The following C8orf74 variants were observed in gnomAD, a reference collection of about 807,000 sequenced individuals.
C8orf74 encodes uncharacterized protein C8orf74.
Under a neutral mutation model 22.2 loss-of-function variants are expected in C8orf74, and 29 were observed. The observed-to-expected ratio is 1.31, with a 90% confidence interval of 0.97 to 1.78. C8orf74 has a LOEUF of 1.78. Among genes scored for constraint, C8orf74 ranks in the 40% most tolerant of loss-of-function variants. The probability of loss-of-function intolerance (pLI) is 0.00; values close to 1 mark genes in which losing one functional copy is unlikely to be tolerated. For missense variants in C8orf74, 515 were observed against 369.9 expected, an observed-to-expected ratio of 1.39 and a Z score of -3.22; for synonymous variants, 255 against 163.1, an observed-to-expected ratio of 1.56 and a Z score of -4.30.
At position 10,695,157 on chromosome 8, in the gene C8orf74, T is replaced by G. The variant is rs116295642; in HGVS notation, c.242-2442T>G. Among the ~76,000 whole-genome samples the G allele has an allele frequency of 4.8e-3, 736 of 152,204 alleles. 6 individuals are homozygous for G. Among genetic ancestry groups the G allele is most frequent in the African/African-American group, 0.017 (705 of 41,502 alleles). On this transcript the variant is annotated intron_variant, in intron 2 of 3. Transcript: ENST00000304519. ...TAGAAATAAATTCTTTCTACAGCAT[T>G]TATTGATTGCTGGCTTGTATTAGGC...
chr8:10,688,903 G>A (rs1027679491), intron 2 of C8orf74: 3 of 152,220 alleles, frequency 2.0e-5, no homozygotes, highest in Non-Finnish European at 2.9e-5. Context: ...CACAGAAGAG[G>A]TCTCAAGCAA....
At chr8:10,690,739 G>A (rs1247134343) in intron 2 of C8orf74, 4 of 383,350 alleles carry the variant, frequency 1.0e-5, no homozygotes, top group South Asian at 1.9e-5. Context: ...GGAAGCCACC[G>A]GAGCCCCCTG....
In C8orf74 at chr8:10,700,367, G is replaced by GCCCCCCCCCCCAAGCCCCC; in HGVS notation, c.786_787insCCCCCCAAGCCCCCCCCCC (p.Thr263ProfsTer63). On this transcript the variant is annotated frameshift_variant, in exon 4 of 4. Coordinates refer to ENST00000304519, the MANE Select transcript of C8orf74 (RefSeq NM_001040032.2). LOFTEE classifies it low-confidence loss of function (END_TRUNC). ...TCAGAAGAAGACTCTGAACCTCAACGCCCCCACCCCTATCCCGCCCCCCAT... is the reference window on the plus strand; with the variant it reads ...TCAGAAGAAGACTCTGAACCTCAACGCCCCCCCCCCCAAGCCCCCCCCCCACCCCTATCCCGCCCCCCAT... 1.3e-6 allele frequency: 2 copies of GCCCCCCCCCCCAAGCCCCC among 1,590,924 alleles called. No individual in the cohort carries two copies. Among genetic ancestry groups the GCCCCCCCCCCCAAGCCCCC allele is most frequent in the Non-Finnish European group, 1.7e-6 (2 of 1,159,758 alleles).
In C8orf74 at chr8:10,700,367, G is replaced by GCCCCCCCCCCCATCCCCCCCC; in HGVS notation, c.786_787insCCCCCCATCCCCCCCCCCCCC (p.Pro262_Thr263insProProIleProProProPro). 2 of 1,590,914 alleles carry GCCCCCCCCCCCATCCCCCCCC rather than the reference G, an allele frequency of 1.3e-6. No homozygotes were observed. The highest frequency in any genetic ancestry group is 1.7e-6 in the Non-Finnish European group (2 of 1,159,754). ...TCAGAAGAAGACTCTGAACCTCAACGCCCCCACCCCTATCCCGCCCCCCAT... is the reference window on the plus strand; with the variant it reads ...TCAGAAGAAGACTCTGAACCTCAACGCCCCCCCCCCCATCCCCCCCCCCCCCACCCCTATCCCGCCCCCCAT... On this transcript the variant is annotated inframe_insertion, in exon 4 of 4. Coordinates refer to ENST00000304519, the MANE Select transcript of C8orf74 (RefSeq NM_001040032.2).
chr8:10,690,534 G>C (rs892268733), intron 2 of C8orf74, among the ~76,000 whole-genome samples: 8 of 152,202 alleles, frequency 5.3e-5, no homozygotes, highest in Non-Finnish European at 1.2e-4. Context: ...AAGGTGAGCA[G>C]TGCCACGCTG....
chr8:10,695,327 G>A lies in C8orf74; in HGVS notation c.242-2272G>A, dbSNP rs545989232. On this transcript the variant is annotated intron_variant, in intron 2 of 3. Transcript: ENST00000304519. ...AGAGTATCTCAGACCTCCAAACCCA[G>A]TACCCTCCCGAGAGGAGTGTAACCC... 2.0e-5 allele frequency among the ~76,000 whole-genome samples: 3 copies of A among 152,262 alleles called. No individual in the cohort carries two copies. The South Asian group carries it at 6.2e-4, about 32-fold the overall frequency.
chr8:10,695,963 G>C (rs1799487930), intron 2 of C8orf74, among the ~76,000 whole-genome samples: 2 of 152,178 alleles, frequency 1.3e-5, no homozygotes, highest in Non-Finnish European at 2.9e-5. Flanking sequence ...CTGAGTCACA[G>C]AGCAGAAGAG....
chr8:10,676,403 T>C (rs766951322), intron 2 of C8orf74, among the ~76,000 whole-genome samples: 2 of 151,956 alleles, frequency 1.3e-5, no homozygotes, highest in Non-Finnish European at 2.9e-5. Flanking sequence ...CCAGCACCAT[T>C]TCCACCCCCC....
At chr8:10,675,250 T>G (rs939088852) in intron 2 of C8orf74, among the ~76,000 whole-genome samples, 2 of 152,172 alleles carry the variant, frequency 1.3e-5, no homozygotes, top group African/African-American at 4.8e-5. Context: ...TCCTGGAGCT[T>G]GCTCACGCAA....
chr8:10,694,405 C>G (rs1436208776), intron 2 of C8orf74, among the ~76,000 whole-genome samples: 2 of 152,062 alleles, frequency 1.3e-5, no homozygotes, highest in Non-Finnish European at 2.9e-5. Context: ...AATGATGTAC[C>G]TGGGAGAAAG....
intron 2 of C8orf74, among the ~76,000 whole-genome samples, chr8:10,682,921 A>G (rs1400569990): frequency 6.6e-6 from 1 of 152,260 alleles, no homozygotes; most frequent in Non-Finnish European, 1.5e-5. Flanking sequence ...CGCAGGTGCC[A>G]TTTGAAAGAT....
At chr8:10,689,677 T>C (rs1489013241) in intron 2 of C8orf74, 1 of 152,220 alleles carries the variant, frequency 6.6e-6, no homozygotes, top group African/African-American at 2.4e-5. Context: ...ACTGATAATA[T>C]AAACAGTCGA....
intron 2 of C8orf74, among the ~76,000 whole-genome samples, chr8:10,679,062 T>C (rs1232256030): frequency 6.6e-6 from 1 of 152,162 alleles, no homozygotes; most frequent in African/African-American, 2.4e-5. Flanking sequence ...GCCCTACATG[T>C]TTCTGGGGAC....
At chr8:10,680,090 T>G (rs900268304) in intron 2 of C8orf74, 1 of 152,238 alleles carries the variant, frequency 6.6e-6, no homozygotes, top group African/African-American at 2.4e-5. Flanking sequence ...ATGAGTCAAT[T>G]CCCGATGCCC....
intron 2 of C8orf74, chr8:10,675,835 G>C (rs1338838545): frequency 6.6e-6 from 1 of 152,176 alleles, no homozygotes; most frequent in Non-Finnish European, 1.5e-5. Context: ...TAAGAGCCCA[G>C]CAAAGACTGA....
chr8:10,688,123 T>C (rs1799299187), intron 2 of C8orf74, among the ~76,000 whole-genome samples: 2 of 150,322 alleles, frequency 1.3e-5, no homozygotes, highest in African/African-American at 4.9e-5. Flanking sequence ...GAGGATCACT[T>C]GAACGTGGGA....
intron 3 of C8orf74, among the ~76,000 whole-genome samples, chr8:10,698,826 A>C (rs1293684426): frequency 2.0e-5 from 3 of 151,646 alleles, no homozygotes; most frequent in Non-Finnish European, 1.5e-5. Context: ...GTGAGTTCCA[A>C]GGGATTTTGA....
intron 1 of C8orf74, chr8:10,673,874 C>G (rs1274750158): frequency 6.6e-6 from 1 of 152,116 alleles, no homozygotes; most frequent in African/African-American, 2.4e-5. Context: ...CCTGCAACCC[C>G]CATATCACAC....
Position 10,674,787 on chromosome 8 carries a change from G to C in C8orf74, c.190G>C (p.Glu64Gln), listed in dbSNP as rs912106440. Reference sequence around the variant, plus strand: ...AGTGGGCAAAGGCTTCCCATGGGTGGAGGTGGCCCAGGTGGTCAAGTTCAC... The same window carrying C: ...AGTGGGCAAAGGCTTCCCATGGGTGCAGGTGGCCCAGGTGGTCAAGTTCAC... ...FAVGKGFPWV[E>Q]VAQVVKFTEE... The change falls in exon 2 of 4, where the codon GAG becomes CAG. Residue 64 changes from glutamate to glutamine, a missense_variant. Glu to Gln is a conservative substitution (Grantham distance 29). Transcript: ENST00000304519. 1 of 1,606,874 alleles carries C rather than the reference G, an allele frequency of 6.2e-7. No homozygotes were observed. The highest frequency in any genetic ancestry group is 8.5e-7 in the Non-Finnish European group (1 of 1,176,814).
Sources: allele counts gnomAD v4.1 joint callset (sites outside exome capture counted in the v4.1 genomes callset), GRCh38; gene constraint gnomAD v4.1.1; transcripts MANE v1.5; gene names NCBI Gene and HGNC (gene_info 2026-07-23, HGNC 2026-07-21).